RNF31: variants seen among roughly 807,000 people sequenced by gnomAD.
RNF31 encodes the protein ring finger protein 31, also known as E3 ubiquitin-protein ligase RNF31.
Under a neutral mutation model 133.6 loss-of-function variants are expected in RNF31, and 38 were observed. The observed-to-expected ratio is 0.28, with a 90% CI of 0.22 to 0.37. RNF31 has a LOEUF of 0.37. Ranked by LOEUF, RNF31 falls within the 10% of genes least tolerant of loss-of-function variation. The pLI, the probability that RNF31 is intolerant of heterozygous loss-of-function variation, is 1.00. For missense variants in RNF31, 1,118 were observed against 1,394.1 expected (o/e 0.80, Z 3.15); for synonymous variants, 582 against 552.3 (o/e 1.05, Z -0.75).
In RNF31 at chr14:24,147,878, C is replaced by T. The variant is rs1346196775; in HGVS notation, c.180C>T (p.Asn60=). 5.6e-6 allele frequency: 9 copies of T among 1,611,554 alleles called. No homozygotes were observed. In the Admixed American group the frequency reaches 1.5e-4, roughly 27 times the overall value. Residue 60 remains asparagine, a synonymous_variant, in exon 1 of 21, where the codon AAC becomes AAT. Coordinates refer to ENST00000324103, the MANE Select transcript of RNF31 (RefSeq NM_017999.5). ...ACGCCGCACGCCTTGTCCGCTGCAA[C>T]GCTCATGGGGAGGTGAGGCCCGGCC... ...QLDAARLVRC[N]AHGEPRNYLN...
At chr14:24,158,360 A>G (rs1192268364) in intron 18 of RNF31, among the ~76,000 whole-genome samples, 161 bp downstream of exon 18, 1 of 152,394 alleles carries the variant, frequency 6.6e-6, no homozygotes, top group East Asian at 1.9e-4. Flanking sequence ...AAATGGAGGT[A>G]GTATCCACCT....
intron 4 of RNF31, 32 bp from the exon 5 acceptor site, chr14:24,148,769 C>T (rs1189076256): frequency 3.5e-5 from 56 of 1,613,708 alleles, no homozygotes; most frequent in Non-Finnish European, 4.5e-5. Flanking sequence ...TGTCCCTAAA[C>T]CCTTATTCAT....
Position 24,152,003 on chromosome 14 carries a change from C to T in RNF31, c.2130+11C>T, listed in dbSNP as rs777147838. The T allele has an allele frequency of 3.1e-6, 5 of 1,611,986 alleles. No homozygotes were observed. The highest frequency in any genetic ancestry group is 1.1e-5 in the South Asian group (1 of 91,036). ...CTGCCCCACAACCGGGTAAGTCCCT[C>T]CCCACGATACCTGGTCCAAGAATTA... On this transcript the variant is annotated intron_variant, in intron 11 of 20. Coordinates refer to ENST00000324103, the MANE Select transcript of RNF31 (RefSeq NM_017999.5).
chr14:24,160,594 GAGGGTC>G lies in RNF31; in HGVS notation c.*22_*27del. ...AGTAGCTGAGGGCAAGGGTCCCGAT[GAGGGTC>G]CCATGGCCTGCTCCCTCAGGAACAG... On this transcript the variant is annotated 3_prime_UTR_variant, in exon 21 of 21. Coordinates refer to ENST00000324103, the MANE Select transcript of RNF31 (RefSeq NM_017999.5). The surrounding 1 kb of genome is among the most constrained non-coding windows in gnomAD (Gnocchi z 4.0). The G allele has an allele frequency of 6.6e-7, 1 of 1,513,092 alleles. No homozygotes were observed. The highest frequency in any genetic ancestry group is 8.9e-7 in the Non-Finnish European group (1 of 1,129,220). The allele number at this position is 1,513,092 out of a possible 1,614,324, so 93.7% of individuals were successfully genotyped here.
Position 24,157,856 on chromosome 14 carries a change from A to C in RNF31, c.2728-42A>C, listed in dbSNP as rs1322586691. 3.2e-6 allele frequency: 5 copies of C among 1,556,262 alleles called. 1 individual carries two copies. Among genetic ancestry groups the C allele is most frequent in the Non-Finnish European group, 4.4e-6 (5 of 1,129,708 alleles). Reference sequence around the variant, plus strand: ...GGGGTTCCTGAGAGGCCAGGACCCCAACAGTCTCCAACTTCCTCTCTCCCA... The same window carrying C: ...GGGGTTCCTGAGAGGCCAGGACCCCCACAGTCTCCAACTTCCTCTCTCCCA... On this transcript the variant is annotated intron_variant, in intron 16 of 20. Transcript: ENST00000324103.
Position 24,160,259 on chromosome 14 carries a change from T to C in RNF31, c.3017T>C (p.Leu1006Pro). Residue 1006 changes from leucine (L) to proline (P), a missense_variant, in exon 20 of 21, where the codon CTT becomes CCT. Around this residue, in one of 3 missense-constraint regions of RNF31, gnomAD observed 170 missense variants for 194.5 expected, o/e 0.87. Transcript: ENST00000324103. This position sits in a 1 kb window ranked among gnomAD's most constrained non-coding sequence, Gnocchi z 4.0. ...CCCAGGGCACACTACAAAGAGTATC[T>C]TGTGAGCCTCATCAATGCCCACTCG... ...GLCQAHYKEYLVSLINAHSLD... is the reference protein window; with the variant it reads ...GLCQAHYKEYPVSLINAHSLD... The C allele has an allele frequency of 6.2e-7, 1 of 1,613,942 alleles. No individual in the cohort carries two copies. The highest frequency in any genetic ancestry group is 8.5e-7 in the Non-Finnish European group (1 of 1,180,010).
Position 24,150,230 on chromosome 14 carries a change from C to G in RNF31, c.979C>G (p.Arg327Gly), listed in dbSNP as rs765336812. Residue 327 changes from arginine to glycine, a missense_variant, in exon 7 of 21, where the codon CGA (arginine) becomes GGA (glycine). This residue lies in a region of RNF31 where 747 missense variants were observed against 827.9 expected (regional missense o/e 0.90). Transcript: ENST00000324103. Reference sequence around the variant, plus strand: ...GCTCTGTGTGGCCTGTGATCGGCCCCGAGGCTGTAAGGGGTTGGGGTTGGG... The same window carrying G: ...GCTCTGTGTGGCCTGTGATCGGCCCGGAGGCTGTAAGGGGTTGGGGTTGGG... ...AVLCVACDRP[R>G]GCKGLGLGTE... The G allele has an allele frequency of 6.2e-7, 1 of 1,614,042 alleles. No homozygotes were observed. Among genetic ancestry groups the G allele is most frequent in the African/African-American group, 1.3e-5 (1 of 74,910 alleles).
chr14:24,152,017 G>A (rs2038274417), intron 11 of RNF31, 25 bp downstream of exon 11: 3 of 1,607,362 alleles, frequency 1.9e-6, no homozygotes, highest in Non-Finnish European at 1.7e-6. Context: ...ACGATACCTG[G>A]TCCAAGAATT....
At chr14:24,152,422 T>C (rs78163883) in intron 11 of RNF31, among the ~76,000 whole-genome samples, 1 of 151,706 alleles carries the variant, frequency 6.6e-6, no homozygotes, top group Admixed American at 6.6e-5. Context: ...TATTTATTTA[T>C]TTACTTATTT....
Position 24,155,094 on chromosome 14 carries a change from C to T in RNF31, c.2131-63C>T, listed in dbSNP as rs2139087231. ...TTTCTTAGTGGACACCTGGCCACTG[C>T]CTCTTCCCTAGCCTGGCAGCTGTGG... On this transcript the variant is annotated intron_variant, in intron 11 of 20. Transcript: ENST00000324103. The surrounding 1 kb of genome is among the most constrained non-coding windows in gnomAD (Gnocchi z 4.9). 3 of 1,535,138 alleles carry T rather than the reference C, an allele frequency of 2.0e-6. No homozygotes were observed. The highest frequency in any genetic ancestry group is 1.8e-4 in the Middle Eastern group (1 of 5,604).
rs2038237437 is a variant in RNF31, at chr14:24,149,945, ATG to A, written c.810-111_810-110del. 3 of 1,249,652 alleles carry A rather than the reference ATG, an allele frequency of 2.4e-6. No individual in the cohort carries two copies. The Admixed American group carries it at 7.0e-5, about 29-fold the overall frequency. 77.4% of individuals were successfully genotyped at this position (1,249,652 alleles called of 1,614,324 possible). A position where few individuals can be genotyped will look rare whatever the true frequency, so the allele number is the denominator to read the frequency against. On this transcript the variant is annotated intron_variant, in intron 6 of 20. Transcript: ENST00000324103. Reference sequence around the variant, plus strand: ...GGTATAGGAGTATTCGAGACAGACAATGTGTGCAAAGGCCAGTGACATGAGTT... The same window carrying A: ...GGTATAGGAGTATTCGAGACAGACAATGTGCAAAGGCCAGTGACATGAGTT...
intron 11 of RNF31, among the ~76,000 whole-genome samples, chr14:24,154,714 C>G (rs532601488): frequency 6.6e-6 from 1 of 152,262 alleles, no homozygotes; most frequent in Admixed American, 6.5e-5. Flanking sequence ...TGGTTCTATG[C>G]AGTTCTGTCC....
chr14:24,148,602 G>C (rs760684299), intron 3 of RNF31, 40 bp from the exon 4 acceptor site: 25 of 1,609,430 alleles, frequency 1.6e-5, no homozygotes, highest in Non-Finnish European at 2.0e-5. Context: ...CTTTGTTCTA[G>C]GGGTCTAGCT....
Position 24,155,097 on chromosome 14 carries a change from C to G in RNF31, c.2131-60C>G. On this transcript the variant is annotated intron_variant, in intron 11 of 20. Transcript: ENST00000324103. This position sits in a 1 kb window ranked among gnomAD's most constrained non-coding sequence, Gnocchi z 4.9. ...CTTAGTGGACACCTGGCCACTGCCT[C>G]TTCCCTAGCCTGGCAGCTGTGGCTT... The G allele has an allele frequency of 6.4e-7, 1 of 1,554,810 alleles. No individual in the cohort carries two copies. Among genetic ancestry groups the G allele is most frequent in the Non-Finnish European group, 8.8e-7 (1 of 1,134,642 alleles).
At position 24,155,043 on chromosome 14, in the gene RNF31, C is replaced by A; in HGVS notation, c.2131-114C>A. ...CTGCTGGCACTTGAGGTTGTTAACC[C>A]TGCCCAGTTGTTAATTAGACCCTGA... is the stretch of plus-strand genomic sequence containing the variant. On this transcript the variant is annotated intron_variant, in intron 11 of 20. Transcript: ENST00000324103. This position sits in a 1 kb window ranked among gnomAD's most constrained non-coding sequence, Gnocchi z 4.9. 9.8e-7 allele frequency: 1 copy of A among 1,023,954 alleles called. No individual in the cohort carries two copies. The highest frequency in any genetic ancestry group is 1.4e-6 in the Non-Finnish European group (1 of 695,880). 63.4% of individuals were successfully genotyped at this position (1,023,954 alleles called of 1,614,324 possible). A position where few individuals can be genotyped will look rare whatever the true frequency, so the allele number is the denominator to read the frequency against.
At chr14:24,148,600 T>C (rs751636716) in intron 3 of RNF31, 42 bp from the exon 4 acceptor site, 5 of 1,608,544 alleles carry the variant, frequency 3.1e-6, no homozygotes, top group Non-Finnish European at 4.3e-6. Context: ...GGCTTTGTTC[T>C]AGGGGTCTAG....
intron 11 of RNF31, among the ~76,000 whole-genome samples, chr14:24,153,793 A>G (rs968655720): frequency 1.1e-4 from 17 of 151,232 alleles, no homozygotes; most frequent in South Asian, 2.1e-4. Flanking sequence ...AATCCCAGCT[A>G]CTTGGGAGGC....
Position 24,154,226 on chromosome 14 carries a change from C to T in RNF31, c.2131-931C>T, listed in dbSNP as rs141500998. 9.9e-3 allele frequency among the ~76,000 whole-genome samples: 1,512 copies of T among 152,040 alleles called. 31 individuals carry two copies. Among genetic ancestry groups the T allele is most frequent in the African/African-American group, 0.035 (1,441 of 41,474 alleles). On this transcript the variant is annotated intron_variant, in intron 11 of 20. Coordinates refer to ENST00000324103, the MANE Select transcript of RNF31 (RefSeq NM_017999.5). ...AGCCTGGAGTGCAATGGTGCGATCTCGGCTCACTGCAGCCTCCGCCTCCCG... is the reference window on the plus strand; with the variant it reads ...AGCCTGGAGTGCAATGGTGCGATCTTGGCTCACTGCAGCCTCCGCCTCCCG...
rs2038273219 is a variant in RNF31 at position 24,151,939 on chromosome 14, C to T, written c.2077C>T (p.Arg693Cys). 1.9e-6 allele frequency: 3 copies of T among 1,614,182 alleles called. No individual in the cohort carries two copies. Among genetic ancestry groups the T allele is most frequent in the Non-Finnish European group, 2.5e-6 (3 of 1,180,026 alleles). ...RHSQDRAFLR[R>C]LLAQECAVCG... is the part of the protein sequence containing the mutation. ...CAGCCAGGACCGGGCCTTCCTGCGC[C>T]GCTTGCTTGCCCAGGAGTGTGCCGT... The change falls in exon 11 of 21, where the codon CGC becomes TGC. Residue 693 changes from arginine (R) to cysteine (C), a missense_variant. Physicochemically the swap from Arg to Cys is radical, Grantham distance 180. Around this residue, in one of 3 missense-constraint regions of RNF31, gnomAD observed 201 missense variants for 371.7 expected, o/e 0.54. Coordinates refer to ENST00000324103, the MANE Select transcript of RNF31 (RefSeq NM_017999.5). This position sits in a 1 kb window ranked among gnomAD's most constrained non-coding sequence, Gnocchi z 5.3.
Sources: allele counts gnomAD v4.1 joint callset (sites outside exome capture counted in the v4.1 genomes callset), GRCh38; gene constraint gnomAD v4.1.1; regional missense constraint gnomAD v4.1.1; non-coding constraint Gnocchi (gnomAD v3.1); transcripts MANE v1.5; gene names NCBI Gene and HGNC (gene_info 2026-07-23, HGNC 2026-07-21).